CFAP276: variants seen among roughly 807,000 people sequenced by gnomAD.
CFAP276 encodes the protein cilia and flagella associated protein 276, also known as cilia- and flagella-associated protein 276.
the CFAP276 span, chr1:109,113,559 G>A: frequency 2.0e-6 from 3 of 1,506,728 alleles, no homozygotes; most frequent in South Asian, 3.4e-5. Context: ...TCTTCTAGCC[G>A]GTTGTAAAAG....
At chr1:109,111,532 C>T in the CFAP276 span, among the ~76,000 whole-genome samples, 1 of 152,060 alleles carries the variant, frequency 6.6e-6, no homozygotes, top group Non-Finnish European at 1.5e-5. Context: ...CCATAGCTAG[C>T]TAGCATGGTG....
the CFAP276 span, among the ~76,000 whole-genome samples, chr1:109,113,297 C>T: frequency 6.6e-6 from 1 of 151,648 alleles, no homozygotes; most frequent in Admixed American, 6.6e-5. Context: ...GGAGGCTAAT[C>T]CAGGAGAATC....
At chr1:109,113,453 A>AGAGAGAGAGG in the CFAP276 span, among the ~76,000 whole-genome samples, 1 of 139,670 alleles carries the variant, frequency 7.2e-6, no homozygotes, top group Non-Finnish European at 1.6e-5. Flanking sequence ...AGAGAGAGAG[A>AGAGAGAGAGG]GAGAGAGAGA....
chr1:109,108,370 T>G, the CFAP276 span, among the ~76,000 whole-genome samples: 1 of 152,198 alleles, frequency 6.6e-6, no homozygotes, highest in South Asian at 2.1e-4. Context: ...CTTCAACTCC[T>G]GGCCTCAAGT....
the CFAP276 span, chr1:109,106,970 A>G: frequency 6.7e-7 from 1 of 1,482,646 alleles, no homozygotes; most frequent in Admixed American, 1.7e-5. Context: ...GGATGGCAGC[A>G]TGTTTAGGCT....
the CFAP276 span, among the ~76,000 whole-genome samples, chr1:109,111,697 C>T: frequency 6.6e-6 from 1 of 152,188 alleles, no homozygotes; most frequent in Non-Finnish European, 1.5e-5. Context: ...CTGCTGCTTC[C>T]TTTGCCTTGC....
chr1:109,106,108 AAAGAG>A, the CFAP276 span: 1 of 1,606,972 alleles, frequency 6.2e-7, no homozygotes, highest in East Asian at 2.2e-5. Flanking sequence ...ACTGTGGAGA[AAAGAG>A]AAGAGGAAGT....
At chr1:109,107,166 T>A in the CFAP276 span, 1 of 1,457,648 alleles carries the variant, frequency 6.9e-7, no homozygotes, top group Non-Finnish European at 9.6e-7. Flanking sequence ...GCCACCTGTG[T>A]CCCTGCTCTA....
At chr1:109,106,825 G>A in the CFAP276 span, 25 of 922,730 alleles carry the variant, frequency 2.7e-5, no homozygotes, top group Non-Finnish European at 4.1e-5. Flanking sequence ...ACAATCTTGG[G>A]AGATTTCTGT....
At chr1:109,106,701 AT>A in the CFAP276 span, 2 of 1,600,844 alleles carry the variant, frequency 1.2e-6, no homozygotes, top group Non-Finnish European at 1.7e-6. Context: ...AGTGAAATCA[AT>A]CAGAGAAAGG....
the CFAP276 span, among the ~76,000 whole-genome samples, chr1:109,111,899 G>A: frequency 5.3e-5 from 8 of 152,174 alleles, 1 homozygote; most frequent in South Asian, 4.2e-4. Context: ...TGCTATTGTC[G>A]GTCTCTCTTT....
chr1:109,113,130 C>T, the CFAP276 span, among the ~76,000 whole-genome samples: 1 of 152,110 alleles, frequency 6.6e-6, no homozygotes, highest in Non-Finnish European at 1.5e-5. Context: ...TGGTTCACGC[C>T]TGTAATCTCA....
chr1:109,107,225 C>T, the CFAP276 span: 1 of 823,346 alleles, frequency 1.2e-6, no homozygotes, highest in Non-Finnish European at 2.0e-6. Flanking sequence ...AGTGAAGGCT[C>T]TCTTGGGCCT....
the CFAP276 span, chr1:109,113,826 C>A: frequency 1.3e-6 from 1 of 794,006 alleles, no homozygotes; most frequent in Non-Finnish European, 1.9e-6. Context: ...CCCGGGCCTG[C>A]CTGTTGGGCC....
chr1:109,113,443 A>G, the CFAP276 span, among the ~76,000 whole-genome samples: 1 of 146,632 alleles, frequency 6.8e-6, no homozygotes, highest in Non-Finnish European at 1.5e-5. Context: ...AGAGAGAGAG[A>G]GAGAGAGAGA....
At chr1:109,111,865 C>T in the CFAP276 span, among the ~76,000 whole-genome samples, 1 of 152,350 alleles carries the variant, frequency 6.6e-6, no homozygotes, top group African/African-American at 2.4e-5. Context: ...TCTGTCACAA[C>T]ATGTGCTATT....
the CFAP276 span, chr1:109,113,802 T>G: frequency 1.9e-6 from 2 of 1,043,396 alleles, no homozygotes; most frequent in Admixed American, 2.0e-5. Flanking sequence ...TTCCACTGTG[T>G]TCTTCACACG....
At chr1:109,110,868 C>T in the CFAP276 span, among the ~76,000 whole-genome samples, 1 of 152,152 alleles carries the variant, frequency 6.6e-6, no homozygotes, top group Non-Finnish European at 1.5e-5. Context: ...CCAGGATGCC[C>T]CATTTCAGTG....
chr1:109,108,169 A>C, the CFAP276 span: 8 of 705,438 alleles, frequency 1.1e-5, no homozygotes, highest in Non-Finnish European at 2.0e-5. Context: ...TTGAGACAGA[A>C]TCTCACTCTG....
Sources: gnomAD v4.1 joint callset for allele counts (sites outside exome capture counted in the v4.1 genomes callset) on GRCh38, gnomAD v4.1.1 for gene constraint, MANE v1.5 for transcripts, NCBI Gene and HGNC (gene_info 2026-07-23, HGNC 2026-07-21) for gene names.